The following PCDHGA3 variants were observed in gnomAD, a reference collection of about 807,000 sequenced individuals.
The protein encoded by PCDHGA3 is protocadherin gamma subfamily A, 3, also known as protocadherin gamma-A3.
Under a neutral mutation model 58.5 loss-of-function variants are expected in PCDHGA3, and 40 were observed. That is an observed-to-expected ratio of 0.68 (90% CI 0.53 to 0.89). The LOEUF (loss-of-function observed/expected upper bound fraction) is 0.89. PCDHGA3 is among the 40% of genes least tolerant of loss of function. The probability of loss-of-function intolerance (pLI) is 0.00; values close to 1 mark genes in which losing one functional copy is unlikely to be tolerated. For missense variants in PCDHGA3, 1,223 were observed against 1,195.9 expected, an observed-to-expected ratio of 1.02 and a Z score of -0.33; for synonymous variants, 530 against 525.7, an observed-to-expected ratio of 1.01 and a Z score of -0.11.
At chr5:141,497,307 C>T (rs1295364802) in intron 2 of PCDHGA3, among the ~76,000 whole-genome samples, 1 of 152,096 alleles carries the variant, frequency 6.6e-6, no homozygotes, top group Non-Finnish European at 1.5e-5. Flanking sequence ...CCAGGCCATA[C>T]ACTGGCTTTG....
chr5:141,400,372 A>T, intron 1 of PCDHGA3: 1 of 1,613,980 alleles, frequency 6.2e-7, no homozygotes, highest in South Asian at 1.1e-5. Flanking sequence ...TTATTCCTAC[A>T]ACCTATGTGT....
chr5:141,430,773 G>A (rs375524585), intron 1 of PCDHGA3: 2 of 1,507,932 alleles, frequency 1.3e-6, no homozygotes, highest in Non-Finnish European at 1.8e-6. Flanking sequence ...ATTCCTGCGC[G>A]ACTGCACCGG....
Position 141,489,075 on chromosome 5 carries a change from C to A in PCDHGA3, c.2425-5732C>A. The A allele has an allele frequency of 3.1e-6, 1 of 324,814 alleles. No individual in the cohort carries two copies. The highest frequency in any genetic ancestry group is 5.5e-6 in the Non-Finnish European group (1 of 180,380). The allele number at this position is 324,814 out of a possible 1,614,324, so 20.1% of individuals were successfully genotyped here. A position where few individuals can be genotyped will look rare whatever the true frequency, so the allele number is the denominator to read the frequency against. ...TCAGCTCCCCTCCCCCCTGCCCACCCCCGCCACTCGGTGACTAAGAACTGC... is the reference window on the plus strand; with the variant it reads ...TCAGCTCCCCTCCCCCCTGCCCACCACCGCCACTCGGTGACTAAGAACTGC... On this transcript the variant is annotated intron_variant, in intron 1 of 3. Coordinates refer to ENST00000253812, the MANE Select transcript of PCDHGA3 (RefSeq NM_018916.4). The surrounding 1 kb of genome is among the most constrained non-coding windows in gnomAD (Gnocchi z 4.5).
intron 1 of PCDHGA3, chr5:141,419,955 T>C: frequency 1.9e-6 from 3 of 1,614,096 alleles, no homozygotes; most frequent in Non-Finnish European, 2.5e-6. Flanking sequence ...TTGGCCTTGA[T>C]TTCTGTGCTC....
At chr5:141,410,886 C>A in intron 1 of PCDHGA3, 1 of 290,056 alleles carries the variant, frequency 3.4e-6, no homozygotes, top group Non-Finnish European at 5.6e-6. Flanking sequence ...TGGAGTCTCG[C>A]ACTGTTGCCT....
rs72790006 is a variant in PCDHGA3 at position 141,345,024 on chromosome 5, G to A, written c.991G>A (p.Ala331Thr). 3 of 1,613,938 alleles carry A rather than the reference G, an allele frequency of 1.9e-6. No homozygotes were observed. The highest frequency in any genetic ancestry group is 1.7e-6 in the Non-Finnish European group (2 of 1,179,882). Residue 331 changes from alanine (A) to threonine (T), a missense_variant, in exon 1 of 4, where the codon GCC becomes ACC. Physicochemically the swap from Ala to Thr is moderately conservative, Grantham distance 58. Transcript: ENST00000253812. ...AQDGPGLLSR[A>T]KILVTVLDVN... is the part of the protein sequence containing the mutation. ...GGATGGACCAGGTCTTCTTTCAAGA[G>A]CCAAGATTCTAGTCACGGTTCTGGA...
intron 1 of PCDHGA3, 91 bp from the exon 2 acceptor site, chr5:141,494,716 C>T (rs1448674271): frequency 3.7e-6 from 6 of 1,604,970 alleles, no homozygotes; most frequent in East Asian, 4.5e-5. Flanking sequence ...TGCCCACTCC[C>T]CTCCTTCTCT....
At chr5:141,365,384 C>G in intron 1 of PCDHGA3, 1 of 1,614,020 alleles carries the variant, frequency 6.2e-7, no homozygotes, top group Non-Finnish European at 8.5e-7. Context: ...CCTCACCTCT[C>G]TGACCAGTTC....
chr5:141,366,143 T>C, intron 1 of PCDHGA3: 1 of 1,614,160 alleles, frequency 6.2e-7, no homozygotes. Flanking sequence ...CGCCTGGCTG[T>C]CCTACCGCCT....
At chr5:141,446,657 A>G (rs2098510367) in intron 1 of PCDHGA3, among the ~76,000 whole-genome samples, 1 of 152,092 alleles carries the variant, frequency 6.6e-6, no homozygotes, top group African/African-American at 2.4e-5. Context: ...TTGTATTTTT[A>G]GTACAAGACA....
intron 2 of PCDHGA3, among the ~76,000 whole-genome samples, chr5:141,501,728 C>A (rs1284130771): frequency 1.3e-5 from 2 of 152,134 alleles, no homozygotes; most frequent in East Asian, 1.9e-4. Flanking sequence ...ATATATTACC[C>A]AGTCAGCTTA....
intron 1 of PCDHGA3, chr5:141,365,167 C>A (rs201444039): frequency 2.5e-5 from 41 of 1,613,832 alleles, no homozygotes; most frequent in Non-Finnish European, 3.4e-5. Flanking sequence ...AATTGACCTA[C>A]TCTTTTCGCA....
Position 141,361,102 on chromosome 5 carries a change from G to C in PCDHGA3, c.2424+14645G>C, listed in dbSNP as rs1025745459. The C allele has an allele frequency of 2.5e-6, 4 of 1,613,888 alleles. No homozygotes were observed. The African/African-American group carries it at 5.3e-5, about 22-fold the overall frequency. On this transcript the variant is annotated intron_variant, in intron 1 of 3. Transcript: ENST00000253812. ...TTACACTCTGAGTATCGAAGCAAAA[G>C]ATCCTGGAGATCTAGCAGCCCACTG...
intron 1 of PCDHGA3, chr5:141,387,564 A>G: frequency 4.5e-6 from 2 of 442,524 alleles, no homozygotes; most frequent in Non-Finnish European, 8.0e-6. Context: ...TAGGCACACA[A>G]TTATAATTAT....
Position 141,431,222 on chromosome 5 carries a change from C to A in PCDHGA3, c.2425-63585C>A. On this transcript the variant is annotated intron_variant, in intron 1 of 3. Transcript: ENST00000253812. The surrounding 1 kb of genome is among the most constrained non-coding windows in gnomAD (Gnocchi z 4.8). ...AGCCACTGAGATGCGGTTCCCTCTA[C>A]CCCACGCCTGGGATCCGGATATCGG... 3 of 1,614,170 alleles carry A rather than the reference C, an allele frequency of 1.9e-6. No individual in the cohort carries two copies. The highest frequency in any genetic ancestry group is 2.5e-6 in the Non-Finnish European group (3 of 1,180,034).
intron 1 of PCDHGA3, among the ~76,000 whole-genome samples, chr5:141,472,711 C>T (rs1014451209): frequency 4.6e-5 from 7 of 151,904 alleles, no homozygotes; most frequent in Admixed American, 2.0e-4. Context: ...ACAGGCCAGG[C>T]GCTGTGGCTC....
intron 1 of PCDHGA3, chr5:141,478,112 G>A (rs2099430344): frequency 1.2e-6 from 2 of 1,613,968 alleles, no homozygotes; most frequent in South Asian, 2.2e-5. Flanking sequence ...CACTGTGTCA[G>A]TAACCGAGGA....
At chr5:141,471,660 A>G (rs1010236543) in intron 1 of PCDHGA3, 12 of 152,184 alleles carry the variant, frequency 7.9e-5, no homozygotes, top group Non-Finnish European at 1.8e-4. Flanking sequence ...GTGGGGATGC[A>G]GAAAAAAATA....
At position 141,413,561 on chromosome 5, in the gene PCDHGA3, AT is replaced by A. The variant is rs1363955348; in HGVS notation, c.2424+67105del. The stretch of plus-strand genomic sequence containing the variant: ...TTTGGGATAGAAATAGAAGTAACTG[AT>A]ATCAATGACAATGCTCCAAAATTCC... On this transcript the variant is annotated intron_variant, in intron 1 of 3. Coordinates refer to ENST00000253812, the MANE Select transcript of PCDHGA3 (RefSeq NM_018916.4). The A allele has an allele frequency of 6.2e-6, 10 of 1,613,806 alleles. No individual in the cohort carries two copies. In the Admixed American group the frequency reaches 1.3e-4, roughly 22 times the overall value.
Sources: gnomAD v4.1 joint callset for allele counts (sites outside exome capture counted in the v4.1 genomes callset) on GRCh38, gnomAD v4.1.1 for gene constraint, Gnocchi (gnomAD v3.1) non-coding constraint, MANE v1.5 for transcripts, NCBI Gene and HGNC (gene_info 2026-07-23, HGNC 2026-07-21) for gene names.